Variants in NEURL1 observed in about 807,000 individuals in gnomAD.
The protein encoded by NEURL1 is E3 ubiquitin-protein ligase NEURL1.
In NEURL1, 26 loss-of-function variants were observed where a neutral mutation model predicts 41.2. That is an observed-to-expected ratio of 0.63 (90% CI 0.46 to 0.87). The LOEUF is 0.87. NEURL1 is among the 40% of genes least tolerant of loss of function. NEURL1 has a pLI of 0.00. For synonymous variants in NEURL1, 400 were observed against 402.3 expected, an observed-to-expected ratio of 0.99 and a Z score of 0.07; for missense variants, 761 against 871.1, an observed-to-expected ratio of 0.87 and a Z score of 1.59.
chr10:103,551,894 C>G (rs1452469140), intron 1 of NEURL1, among the ~76,000 whole-genome samples: 1 of 152,224 alleles, frequency 6.6e-6, no homozygotes, highest in Non-Finnish European at 1.5e-5. Flanking sequence ...ACTCAAGTGG[C>G]CAGAGTTGGG....
intron 1 of NEURL1, among the ~76,000 whole-genome samples, chr10:103,562,263 A>G (rs1303719898): frequency 6.6e-6 from 1 of 152,166 alleles, no homozygotes; most frequent in Non-Finnish European, 1.5e-5. Context: ...CGCGCCTGTA[A>G]TCCCAGCTAC....
At chr10:103,501,177 AT>A (rs2033813978) in intron 1 of NEURL1, among the ~76,000 whole-genome samples, 2 of 152,182 alleles carry the variant, frequency 1.3e-5, no homozygotes, top group African/African-American at 4.8e-5. Context: ...AGGGCCTATG[AT>A]ATTAGGACGA....
chr10:103,494,627 G>T, intron 1 of NEURL1, 155 bp downstream of exon 1: 1 of 649,854 alleles, frequency 1.5e-6, no homozygotes, highest in Non-Finnish European at 2.5e-6. Flanking sequence ...GTGGAGGGCA[G>T]CCGGCGATGA....
At chr10:103,550,299 G>A (rs934341717) in intron 1 of NEURL1, among the ~76,000 whole-genome samples, 4 of 152,180 alleles carry the variant, frequency 2.6e-5, no homozygotes, top group African/African-American at 9.7e-5. Flanking sequence ...AGGGAAAAGA[G>A]GGACAGCTAT....
chr10:103,517,640 T>C (rs1022145004), intron 1 of NEURL1, among the ~76,000 whole-genome samples: 2 of 152,230 alleles, frequency 1.3e-5, no homozygotes, highest in African/African-American at 4.8e-5. Flanking sequence ...CCACAAAGGT[T>C]CATGAGTCAA....
At chr10:103,528,183 C>G (rs2034500070) in intron 1 of NEURL1, among the ~76,000 whole-genome samples, 1 of 152,126 alleles carries the variant, frequency 6.6e-6, no homozygotes, top group African/African-American at 2.4e-5. Context: ...TGGTGAAACC[C>G]CATCTCTACT....
intron 1 of NEURL1, among the ~76,000 whole-genome samples, chr10:103,517,965 G>C (rs2034255611): frequency 6.6e-6 from 1 of 152,202 alleles, no homozygotes; most frequent in Non-Finnish European, 1.5e-5. Flanking sequence ...GGCATCCAAT[G>C]AACACATCTT....
intron 1 of NEURL1, among the ~76,000 whole-genome samples, chr10:103,539,904 T>C (rs936066033): frequency 6.6e-6 from 1 of 152,206 alleles, no homozygotes; most frequent in African/African-American, 2.4e-5. Context: ...TTCTGTTTCT[T>C]GCCTGGAATG....
intron 2 of NEURL1, 76 bp from the exon 3 acceptor site, chr10:103,571,424 TC>T: frequency 7.1e-7 from 1 of 1,400,302 alleles, no homozygotes; most frequent in Non-Finnish European, 9.6e-7. Flanking sequence ...CTCCAGGGAG[TC>T]CACCGCAGGG....
intron 1 of NEURL1, among the ~76,000 whole-genome samples, chr10:103,512,853 G>A (rs959742976): frequency 2.6e-5 from 4 of 152,122 alleles, no homozygotes; most frequent in Admixed American, 6.5e-5. Context: ...AAGGTGCTGT[G>A]TTGTCCAGGA....
At chr10:103,535,488 C>A in intron 1 of NEURL1, among the ~76,000 whole-genome samples, 1 of 152,168 alleles carries the variant, frequency 6.6e-6, no homozygotes, top group East Asian at 1.9e-4. Flanking sequence ...TGATAGGGGA[C>A]ATGACTGTCC....
chr10:103,514,819 C>T (rs1400092865), intron 1 of NEURL1, among the ~76,000 whole-genome samples: 3 of 152,156 alleles, frequency 2.0e-5, no homozygotes, highest in African/African-American at 4.8e-5. Context: ...CCAGGGCCAC[C>T]GACAGGGGTG....
rs373205748 is a variant in NEURL1, at chr10:103,575,604, C to T, written c.649+3782C>T. On this transcript the variant is annotated intron_variant, in intron 3 of 5. Coordinates refer to ENST00000369780, the MANE Select transcript of NEURL1 (RefSeq NM_004210.5). ...GGGGCTGGTGTCTCTCCCCAGTGGA[C>T]GGTCCTCCCTGCCCTGGCCAGAATC... Among the ~76,000 whole-genome samples the T allele has an allele frequency of 3.3e-4, 51 of 152,332 alleles. No homozygotes were observed. In the East Asian group the frequency reaches 7.5e-3, roughly 22 times the overall value.
intron 1 of NEURL1, among the ~76,000 whole-genome samples, chr10:103,529,177 CTTA>C (rs2034521263): frequency 6.6e-6 from 1 of 152,092 alleles, no homozygotes; most frequent in Non-Finnish European, 1.5e-5. Flanking sequence ...AAGCTTTAGT[CTTA>C]TTATAATTGT....
At chr10:103,553,300 T>C (rs990996656) in intron 1 of NEURL1, among the ~76,000 whole-genome samples, 1 of 152,214 alleles carries the variant, frequency 6.6e-6, no homozygotes, top group Non-Finnish European at 1.5e-5. Context: ...TTTGCTGTTA[T>C]TATGATCATT....
In NEURL1 at chr10:103,585,060, C is replaced by G. The variant is rs770645356; in HGVS notation, c.1174C>G (p.Pro392Ala). Residue 392 changes from proline (P) to alanine (A), a missense_variant, in exon 4 of 6, where the codon CCC becomes GCC. Coordinates refer to ENST00000369780, the MANE Select transcript of NEURL1 (RefSeq NM_004210.5). ...CTGGGCCGTGTGCCGCGTGCCCGGGCCCCTGCACAGCGGCGACATCCTGGG... is the reference window on the plus strand; with the variant it reads ...CTGGGCCGTGTGCCGCGTGCCCGGGGCCCTGCACAGCGGCGACATCCTGGG... ...EFWAVCRVPG[P>A]LHSGDILGLV... 8.9e-5 allele frequency: 141 copies of G among 1,590,378 alleles called. No homozygotes were observed. The highest frequency in any genetic ancestry group is 1.1e-4 in the Non-Finnish European group (134 of 1,176,496).
chr10:103,541,469 C>T (rs1444608519), intron 1 of NEURL1, among the ~76,000 whole-genome samples: 1 of 152,168 alleles, frequency 6.6e-6, no homozygotes, highest in Non-Finnish European at 1.5e-5. Context: ...TTGGAGTATC[C>T]TTCAGCCAGA....
rs1592219590 is a variant in NEURL1 at position 103,556,321 on chromosome 10, G to A, written c.86-14551G>A. ...CTAGGGACTTGTGTGTCTTCCCTGG[G>A]CCCTGGGAACTGGGGTCCTTTACAA... is the stretch of plus-strand genomic sequence containing the variant. On this transcript the variant is annotated intron_variant, in intron 1 of 5. Transcript: ENST00000369780. This position sits in a 1 kb window ranked among gnomAD's most constrained non-coding sequence, Gnocchi z 4.4. Among the ~76,000 whole-genome samples the A allele has an allele frequency of 6.6e-6, 1 of 152,300 alleles. No individual in the cohort carries two copies. Among genetic ancestry groups the A allele is most frequent in the Non-Finnish European group, 1.5e-5 (1 of 68,006 alleles).
At chr10:103,510,306 C>T (rs1358955253) in intron 1 of NEURL1, among the ~76,000 whole-genome samples, 1 of 152,172 alleles carries the variant, frequency 6.6e-6, no homozygotes, top group African/African-American at 2.4e-5. Context: ...TGGTGGGCTC[C>T]GTAGACACCC....
Sources: gnomAD v4.1 joint callset for allele counts (sites outside exome capture counted in the v4.1 genomes callset) on GRCh38, gnomAD v4.1.1 for gene constraint, Gnocchi (gnomAD v3.1) non-coding constraint, MANE v1.5 for transcripts, NCBI Gene and HGNC (gene_info 2026-07-23, HGNC 2026-07-21) for gene names.